SETBP1: variants seen among roughly 807,000 people sequenced by gnomAD.
The protein encoded by SETBP1 is SET binding protein 1, also known as SET-binding protein.
SETBP1 carries 9 observed loss-of-function variants against 101.0 expected under a neutral mutation model. The ratio of observed to expected loss-of-function variants is 0.09; its 90% CI spans 0.05 to 0.16. The LOEUF (loss-of-function observed/expected upper bound fraction) is 0.16. Ranked by LOEUF, SETBP1 falls within the 10% of genes least tolerant of loss-of-function variation. SETBP1 has a pLI of 1.00. For missense variants in SETBP1, 1,858 were observed against 2,033.8 expected (o/e 0.91, Z 1.66); for synonymous variants, 818 against 788.5 (o/e 1.04, Z -0.63).
At chr18:45,028,495 G>C (rs2073219456) in intron 4 of SETBP1, among the ~76,000 whole-genome samples, 1 of 152,098 alleles carries the variant, frequency 6.6e-6, no homozygotes, top group Non-Finnish European at 1.5e-5. Flanking sequence ...CTTTATAGCA[G>C]CATGATTTAT....
chr18:44,829,352 T>G (rs1374188145), intron 2 of SETBP1, among the ~76,000 whole-genome samples: 1 of 152,226 alleles, frequency 6.6e-6, no homozygotes. Context: ...CAAGTATAAT[T>G]CTATTGAAAA....
In SETBP1 at chr18:45,036,657, G is replaced by A. The variant is rs186549435; in HGVS notation, c.4001-1828G>A. On this transcript the variant is annotated intron_variant, in intron 4 of 5. Transcript: ENST00000649279. ...ATAAACTCCAAGAAAAGCATAAATG[G>A]CATTTTTGTTCATGGTATCACAACT... Among the ~76,000 whole-genome samples, 178 of 152,266 alleles carry A rather than the reference G, an allele frequency of 1.2e-3. 1 individual carries two copies. Among genetic ancestry groups the A allele is most frequent in the Non-Finnish European group, 1.6e-3 (107 of 68,026 alleles).
intron 2 of SETBP1, among the ~76,000 whole-genome samples, chr18:44,741,220 A>G (rs2070089773): frequency 6.6e-6 from 1 of 152,206 alleles, no homozygotes; most frequent in African/African-American, 2.4e-5. Context: ...GCCTGTAAGG[A>G]GGTCATGGTC....
chr18:44,908,260 C>G (rs2070223541), intron 3 of SETBP1, among the ~76,000 whole-genome samples: 1 of 152,024 alleles, frequency 6.6e-6, no homozygotes, highest in South Asian at 2.1e-4. Flanking sequence ...AGGGTTTCAC[C>G]AACTTGGCCA....
chr18:44,906,117 G>A (rs908277311), intron 3 of SETBP1, among the ~76,000 whole-genome samples: 5 of 152,192 alleles, frequency 3.3e-5, no homozygotes, highest in African/African-American at 1.2e-4. Flanking sequence ...CAGGCGTTAT[G>A]TGGATAGGTT....
chr18:44,979,714 T>C (rs1283648689), intron 4 of SETBP1, among the ~76,000 whole-genome samples: 1 of 152,182 alleles, frequency 6.6e-6, no homozygotes, highest in African/African-American at 2.4e-5. Flanking sequence ...AAATAACTCT[T>C]ACATATGGAG....
intron 4 of SETBP1, chr18:44,989,125 G>A (rs1392025434): frequency 6.6e-6 from 1 of 152,114 alleles, no homozygotes; most frequent in Non-Finnish European, 1.5e-5. Flanking sequence ...AAGCAACAAG[G>A]AGTAAAATTA....
intron 3 of SETBP1, among the ~76,000 whole-genome samples, chr18:44,901,419 T>C (rs753269777): frequency 6.6e-6 from 1 of 152,226 alleles, no homozygotes; most frequent in Admixed American, 6.5e-5. Context: ...GAATTCCGTC[T>C]TTTTGTGATT....
chr18:44,732,366 T>G (rs1599046295), intron 2 of SETBP1, among the ~76,000 whole-genome samples: 1 of 152,158 alleles, frequency 6.6e-6, no homozygotes, highest in Non-Finnish European at 1.5e-5. Context: ...GCATGTACGA[T>G]CAAAAATTCC....
At chr18:44,782,141 C>G (rs1198516529) in intron 2 of SETBP1, among the ~76,000 whole-genome samples, 2 of 152,112 alleles carry the variant, frequency 1.3e-5, no homozygotes, top group African/African-American at 4.8e-5. Flanking sequence ...CACACTGCTT[C>G]CAGCAGGACA....
At chr18:44,853,610 T>A (rs2072915442) in intron 2 of SETBP1, among the ~76,000 whole-genome samples, 1 of 152,222 alleles carries the variant, frequency 6.6e-6, no homozygotes. Flanking sequence ...ACTAAGCATG[T>A]GTTACTTTGC....
chr18:44,900,796 T>C (rs1239001675), intron 3 of SETBP1, among the ~76,000 whole-genome samples: 1 of 152,138 alleles, frequency 6.6e-6, no homozygotes, highest in Non-Finnish European at 1.5e-5. Flanking sequence ...GTAAGGGAAC[T>C]AAGGCCTCCC....
Position 45,003,187 on chromosome 18 carries a change from A to G in SETBP1, c.4001-35298A>G, listed in dbSNP as rs956514160. On this transcript the variant is annotated intron_variant, in intron 4 of 5. Transcript: ENST00000649279. The stretch of plus-strand genomic sequence containing the variant: ...AGAGAAAACCCTCATCCTCTGAGAA[A>G]ACAAAAATATGCAAACTTTCAAAAA... Among the ~76,000 whole-genome samples, 5 of 152,290 alleles carry G rather than the reference A, an allele frequency of 3.3e-5. No individual in the cohort carries two copies. In the East Asian group the frequency reaches 7.7e-4, roughly 24 times the overall value.
At chr18:44,935,109 C>T (rs1347457708) in intron 3 of SETBP1, among the ~76,000 whole-genome samples, 1 of 152,194 alleles carries the variant, frequency 6.6e-6, no homozygotes, top group African/African-American at 2.4e-5. Flanking sequence ...GCCAGTCATC[C>T]TGGCTCTGCC....
intron 3 of SETBP1, among the ~76,000 whole-genome samples, chr18:44,883,271 G>A (rs2069571703): frequency 1.3e-5 from 2 of 152,218 alleles, no homozygotes; most frequent in South Asian, 4.1e-4. Flanking sequence ...AGCAATCTCA[G>A]TGGAGTGTGA....
chr18:44,982,141 G>A (rs2072127945), intron 4 of SETBP1, among the ~76,000 whole-genome samples: 3 of 152,210 alleles, frequency 2.0e-5, no homozygotes, highest in Non-Finnish European at 4.4e-5. Flanking sequence ...GTCACCATTT[G>A]TGGTTTCACA....
chr18:44,938,998 C>CTGTG (rs151163941), intron 3 of SETBP1, among the ~76,000 whole-genome samples: 2 of 148,424 alleles, frequency 1.3e-5, no homozygotes, highest in Non-Finnish European at 3.0e-5. Flanking sequence ...GTCTCTGTGC[C>CTGTG]TGTGTGTGTG....
chr18:44,711,212 C>G, intron 2 of SETBP1, among the ~76,000 whole-genome samples: 1 of 150,132 alleles, frequency 6.7e-6, no homozygotes, highest in Non-Finnish European at 1.5e-5. Context: ...CACCCTCCCT[C>G]CATCCCTCGC....
intron 3 of SETBP1, 69 bp from the exon 4 acceptor site, chr18:44,949,811 GT>G: frequency 3.3e-6 from 4 of 1,224,140 alleles, no homozygotes; most frequent in East Asian, 2.4e-5. Context: ...CAAATATTAA[GT>G]AGCTTCAACA....
Sources: gnomAD v4.1 joint callset for allele counts (sites outside exome capture counted in the v4.1 genomes callset) on GRCh38, gnomAD v4.1.1 for gene constraint, MANE v1.5 for transcripts, NCBI Gene and HGNC (gene_info 2026-07-23, HGNC 2026-07-21) for gene names.